The following PLXDC2 variants were observed in gnomAD, a reference collection of about 807,000 sequenced individuals.
The protein encoded by PLXDC2 is plexin domain containing 2.
In PLXDC2, 40 loss-of-function variants were observed where a neutral mutation model predicts 68.9. The observed-to-expected ratio is 0.58, with a 90% CI of 0.45 to 0.76. PLXDC2 has a LOEUF of 0.76. Among genes scored for constraint, PLXDC2 ranks in the 30% least tolerant of loss-of-function variants. The probability of loss-of-function intolerance (pLI) is 0.00; values close to 1 mark genes in which losing one functional copy is unlikely to be tolerated. For missense variants in PLXDC2, 644 were observed against 661.9 expected, an observed-to-expected ratio of 0.97 and a Z score of 0.30; for synonymous variants, 243 against 234.2, an observed-to-expected ratio of 1.04 and a Z score of -0.34.
chr10:19,995,425 G>A (rs866310687), intron 1 of PLXDC2, among the ~76,000 whole-genome samples: 3 of 152,142 alleles, frequency 2.0e-5, no homozygotes, highest in Non-Finnish European at 2.9e-5. Flanking sequence ...TATCCCAGAC[G>A]TTCATTAAAA....
intron 3 of PLXDC2, among the ~76,000 whole-genome samples, chr10:20,059,569 G>A (rs1424854651): frequency 1.3e-5 from 2 of 152,152 alleles, no homozygotes; most frequent in Non-Finnish European, 2.9e-5. Context: ...GTGCTGAAGA[G>A]GTTAGAACTT....
chr10:19,829,043 C>T (rs1444685821), intron 1 of PLXDC2, among the ~76,000 whole-genome samples: 1 of 152,000 alleles, frequency 6.6e-6, no homozygotes, highest in African/African-American at 2.4e-5. Context: ...TCCTGTTTGA[C>T]CTCTTCAGGT....
At chr10:19,917,756 AT>A (rs1370350878) in intron 1 of PLXDC2, among the ~76,000 whole-genome samples, 1 of 152,190 alleles carries the variant, frequency 6.6e-6, no homozygotes, top group African/African-American at 2.4e-5. Flanking sequence ...TTTAGTGGGT[AT>A]TTAAAACCTA....
At chr10:20,258,386 AGTTACACAAAATCACTCTTGCTACTTACT>A (rs1835769863) in intron 13 of PLXDC2, among the ~76,000 whole-genome samples, 1 of 152,112 alleles carries the variant, frequency 6.6e-6, no homozygotes, top group Non-Finnish European at 1.5e-5. Context: ...TGTAAGCTCC[AGTTACACAAAATCACTCTTGCTACTTACT>A]CTGTTTCCTT....
intron 1 of PLXDC2, among the ~76,000 whole-genome samples, chr10:19,955,382 A>G (rs780909799): frequency 6.6e-6 from 1 of 151,708 alleles, no homozygotes; most frequent in Non-Finnish European, 1.5e-5. Flanking sequence ...GAAAAATGAC[A>G]TCCCCCAACC....
intron 4 of PLXDC2, among the ~76,000 whole-genome samples, chr10:20,123,986 G>A (rs896190855): frequency 3.3e-5 from 5 of 151,778 alleles, no homozygotes; most frequent in African/African-American, 1.2e-4. Context: ...GGGTGAAGAA[G>A]AAGGGGTTGG....
At chr10:19,995,334 A>T (rs536625008) in intron 1 of PLXDC2, among the ~76,000 whole-genome samples, 2 of 152,330 alleles carry the variant, frequency 1.3e-5, no homozygotes, top group South Asian at 4.1e-4. Flanking sequence ...CAAAATTCCA[A>T]GAGTCCTTTC....
intron 4 of PLXDC2, among the ~76,000 whole-genome samples, chr10:20,079,908 A>G (rs1836520902): frequency 6.6e-6 from 1 of 152,156 alleles, no homozygotes. Context: ...TATGTAACAA[A>G]CCTGCACATT....
Position 19,816,887 on chromosome 10 carries a change from G to A in PLXDC2, c.-193G>A, listed in dbSNP as rs1036989727. ...AGAGAGCCTCAGAGGTCCGAAGAGC[G>A]CTGCGCTCCTACTCGCGTTCGCTTC... On this transcript the variant is annotated 5_prime_UTR_variant, in exon 1 of 14. Coordinates refer to ENST00000377252, the MANE Select transcript of PLXDC2 (RefSeq NM_032812.9). The A allele has an allele frequency of 3.3e-6, 2 of 598,516 alleles. No individual in the cohort carries two copies. Among genetic ancestry groups the A allele is most frequent in the South Asian group, 4.0e-5 (2 of 50,192 alleles). The allele number at this position is 598,516 out of a possible 1,614,324, so 37.1% of individuals were successfully genotyped here. A position where few individuals can be genotyped will look rare whatever the true frequency, so the allele number is the denominator to read the frequency against.
chr10:20,220,795 T>C (rs1188616394), intron 12 of PLXDC2, among the ~76,000 whole-genome samples: 1 of 151,118 alleles, frequency 6.6e-6, no homozygotes, highest in Non-Finnish European at 1.5e-5. Context: ...AAGACGGTTA[T>C]GAAGAATTCA....
At chr10:20,009,134 C>T (rs1327710765) in intron 2 of PLXDC2, among the ~76,000 whole-genome samples, 2 of 152,126 alleles carry the variant, frequency 1.3e-5, no homozygotes, top group African/African-American at 4.8e-5. Context: ...ATGAATGTAA[C>T]TATAAAGGAG....
At chr10:20,019,376 T>G (rs1460074770) in intron 2 of PLXDC2, among the ~76,000 whole-genome samples, 5 of 152,182 alleles carry the variant, frequency 3.3e-5, no homozygotes, top group Admixed American at 3.3e-4. Context: ...TATTTGTAGC[T>G]ACTGATTTGG....
intron 1 of PLXDC2, among the ~76,000 whole-genome samples, chr10:19,904,757 G>C (rs537883217): frequency 6.6e-6 from 1 of 152,282 alleles, no homozygotes; most frequent in East Asian, 1.9e-4. Context: ...AGCTGCAAGT[G>C]GTCCTGCCTT....
chr10:20,025,182 GTAGC>G (rs1299600670), intron 2 of PLXDC2, among the ~76,000 whole-genome samples: 2 of 151,906 alleles, frequency 1.3e-5, no homozygotes, highest in Admixed American at 1.3e-4. Flanking sequence ...GTTTTCCACA[GTAGC>G]TAAACTAATT....
intron 1 of PLXDC2, among the ~76,000 whole-genome samples, chr10:19,871,632 C>T (rs975660638): frequency 1.4e-4 from 22 of 152,208 alleles, no homozygotes; most frequent in African/African-American, 5.1e-4. Flanking sequence ...ATAATCCCAG[C>T]ACTTTGGGAG....
At chr10:19,977,577 G>C (rs543347964) in intron 1 of PLXDC2, among the ~76,000 whole-genome samples, 1 of 152,170 alleles carries the variant, frequency 6.6e-6, no homozygotes, top group African/African-American at 2.4e-5. Flanking sequence ...AAGCTGTGAC[G>C]ATGTATCATA....
intron 9 of PLXDC2, among the ~76,000 whole-genome samples, chr10:20,178,744 T>C (rs183765708): frequency 6.6e-6 from 1 of 152,276 alleles, no homozygotes; most frequent in East Asian, 1.9e-4. Flanking sequence ...TCACTAACCT[T>C]AGAGCAACTA....
intron 4 of PLXDC2, among the ~76,000 whole-genome samples, chr10:20,121,133 A>C (rs1050451567): frequency 6.6e-6 from 1 of 152,198 alleles, no homozygotes; most frequent in African/African-American, 2.4e-5. Flanking sequence ...AGCAGAAAGT[A>C]TATGTGTCAG....
At chr10:20,024,969 C>T (rs1407654345) in intron 2 of PLXDC2, among the ~76,000 whole-genome samples, 3 of 152,118 alleles carry the variant, frequency 2.0e-5, no homozygotes, top group East Asian at 1.9e-4. Context: ...AATCCACCAT[C>T]GATGGGCACC....
Sources: gnomAD v4.1 joint callset for allele counts (sites outside exome capture counted in the v4.1 genomes callset) on GRCh38, gnomAD v4.1.1 for gene constraint, MANE v1.5 for transcripts, NCBI Gene and HGNC (gene_info 2026-07-23, HGNC 2026-07-21) for gene names.